The following EPYC variants were observed in gnomAD, a reference collection of about 807,000 sequenced individuals.
EPYC encodes the protein dermatan sulfate proteoglycan 3.
In EPYC, 28 loss-of-function variants were observed where a neutral mutation model predicts 30.1. The ratio of observed to expected loss-of-function variants is 0.93; its 90% CI spans 0.69 to 1.28. The LOEUF (loss-of-function observed/expected upper bound fraction) is 1.28. EPYC is among the 50% of genes most tolerant of loss of function. The pLI, the probability that EPYC is intolerant of heterozygous loss-of-function variation, is 0.00. For missense variants in EPYC, 382 were observed against 383.5 expected, an observed-to-expected ratio of 1.00 and a Z score of 0.03; for synonymous variants, 144 against 141.4, an observed-to-expected ratio of 1.02 and a Z score of -0.13.
intron 3 of EPYC, among the ~76,000 whole-genome samples, chr12:90,973,926 C>T (rs970464584): frequency 6.6e-6 from 1 of 151,898 alleles, no homozygotes; most frequent in East Asian, 1.9e-4. Context: ...GGAAGTGAAT[C>T]ATAGTGTAGA....
intron 6 of EPYC, 63 bp downstream of exon 6, chr12:90,969,981 G>T: frequency 8.7e-7 from 1 of 1,146,180 alleles, no homozygotes. Context: ...CTTGTGTCCT[G>T]ATGTCCTTTT....
chr12:90,990,794 A>G (rs1877565386), intron 2 of EPYC, among the ~76,000 whole-genome samples: 1 of 151,638 alleles, frequency 6.6e-6, no homozygotes, highest in Admixed American at 6.6e-5. Context: ...AGTCATTAGC[A>G]TGATAAAAAA....
At chr12:90,978,657 T>C (rs1469776229) in intron 2 of EPYC, among the ~76,000 whole-genome samples, 3 of 152,080 alleles carry the variant, frequency 2.0e-5, no homozygotes, top group Non-Finnish European at 2.9e-5. Context: ...AATTCAAAAC[T>C]CCCCTTTACC....
intron 3 of EPYC, among the ~76,000 whole-genome samples, chr12:90,974,282 G>GA (rs1877130332): frequency 1.3e-5 from 2 of 151,960 alleles, no homozygotes; most frequent in Non-Finnish European, 2.9e-5. Context: ...GTTAAGGACT[G>GA]AAAAATGTTC....
chr12:90,988,327 G>T (rs999142880), intron 2 of EPYC, among the ~76,000 whole-genome samples: 2 of 152,100 alleles, frequency 1.3e-5, no homozygotes, highest in Non-Finnish European at 2.9e-5. Context: ...TAGTGATGAC[G>T]ATATAGCTAA....
chr12:90,994,804 C>T (rs185118736), intron 2 of EPYC, among the ~76,000 whole-genome samples: 102 of 152,114 alleles, frequency 6.7e-4, no homozygotes, highest in African/African-American at 2.3e-3. Flanking sequence ...AAAAATAAAA[C>T]GCATTTGAAA....
At chr12:90,965,760 A>G (rs1191301422) in intron 6 of EPYC, among the ~76,000 whole-genome samples, 6 of 152,058 alleles carry the variant, frequency 3.9e-5, no homozygotes, top group East Asian at 1.9e-4. Context: ...CTTCTGATTC[A>G]TGAATATGGA....
intron 2 of EPYC, among the ~76,000 whole-genome samples, chr12:90,982,733 T>C (rs1176376693): frequency 6.6e-6 from 1 of 152,134 alleles, no homozygotes; most frequent in African/African-American, 2.4e-5. Flanking sequence ...ACTGAGATCA[T>C]ATGGTATTTA....
intron 6 of EPYC, among the ~76,000 whole-genome samples, chr12:90,964,799 G>C (rs995741177): frequency 1.3e-5 from 2 of 152,122 alleles, no homozygotes; most frequent in African/African-American, 2.4e-5. Context: ...TCAAGTCAAT[G>C]TGGCTGAAGT....
chr12:91,000,290 A>G (rs1022189492), intron 2 of EPYC, among the ~76,000 whole-genome samples: 3 of 152,238 alleles, frequency 2.0e-5, no homozygotes, highest in Middle Eastern at 3.4e-3. Flanking sequence ...AGGCTGAAGT[A>G]TGTAAAGACG....
chr12:91,004,524 T>A (rs981709196), intron 1 of EPYC, among the ~76,000 whole-genome samples: 3 of 152,204 alleles, frequency 2.0e-5, no homozygotes, highest in South Asian at 4.1e-4. Flanking sequence ...CTCAAAAAAA[T>A]TTTAAATGCA....
At chr12:90,966,423 C>G (rs1378215574) in intron 6 of EPYC, among the ~76,000 whole-genome samples, 1 of 151,896 alleles carries the variant, frequency 6.6e-6, no homozygotes, top group Non-Finnish European at 1.5e-5. Context: ...GCCCTTTATT[C>G]TATTAATATA....
chr12:90,995,334 T>C (rs1291776963), intron 2 of EPYC, among the ~76,000 whole-genome samples: 2 of 152,120 alleles, frequency 1.3e-5, no homozygotes, highest in African/African-American at 2.4e-5. Flanking sequence ...GTTTGAATAT[T>C]GTGTTAATTG....
chr12:90,963,961 T>C lies in EPYC; in HGVS notation c.*195A>G, dbSNP rs577742435. 9.4e-6 allele frequency: 4 copies of C among 425,984 alleles called. No homozygotes were observed. The highest frequency in any genetic ancestry group is 8.3e-6 in the Non-Finnish European group (2 of 240,606). 26.4% of individuals were successfully genotyped at this position (425,984 alleles called of 1,614,324 possible). A position where few individuals can be genotyped will look rare whatever the true frequency, so the allele number is the denominator to read the frequency against. On this transcript the variant is annotated 3_prime_UTR_variant, in exon 7 of 7. Transcript: ENST00000261172. ...AGTTTTGCTCTTTTTGTAAATGTTATAGGTTTATTCCTAACTCATCTGGTG... is the reference window on the plus strand; with the variant it reads ...AGTTTTGCTCTTTTTGTAAATGTTACAGGTTTATTCCTAACTCATCTGGTG...
At chr12:90,989,004 A>G (rs938909893) in intron 2 of EPYC, among the ~76,000 whole-genome samples, 8 of 152,098 alleles carry the variant, frequency 5.3e-5, no homozygotes, top group African/African-American at 1.9e-4. Flanking sequence ...GAATTGTCTC[A>G]CCCATCATGT....
chr12:91,000,464 T>C (rs896480827), intron 2 of EPYC, among the ~76,000 whole-genome samples: 2 of 152,214 alleles, frequency 1.3e-5, no homozygotes, highest in South Asian at 2.1e-4. Flanking sequence ...CCGAACCTCA[T>C]GAGAATGCCT....
chr12:90,976,333 G>A (rs1198365411), intron 3 of EPYC, among the ~76,000 whole-genome samples: 3 of 152,066 alleles, frequency 2.0e-5, no homozygotes, highest in Non-Finnish European at 4.4e-5. Flanking sequence ...TTTATCAATA[G>A]AATTTTCATA....
At chr12:90,988,423 G>A (rs2120847772) in intron 2 of EPYC, among the ~76,000 whole-genome samples, 1 of 152,218 alleles carries the variant, frequency 6.6e-6, no homozygotes, top group East Asian at 1.9e-4. Context: ...CTGTTTGGAG[G>A]AGGGAAATAT....
chr12:90,981,386 T>C (rs1204879229), intron 2 of EPYC, among the ~76,000 whole-genome samples: 3 of 152,164 alleles, frequency 2.0e-5, no homozygotes, highest in Non-Finnish European at 4.4e-5. Flanking sequence ...TCCAATTACA[T>C]TTATTGTATC....
Sources: gnomAD v4.1 joint callset for allele counts (sites outside exome capture counted in the v4.1 genomes callset) on GRCh38, gnomAD v4.1.1 for gene constraint, MANE v1.5 for transcripts, NCBI Gene and HGNC (gene_info 2026-07-23, HGNC 2026-07-21) for gene names.